Variants in ALCAM observed in about 807,000 individuals in gnomAD.
ALCAM encodes the protein activated leukocyte cell adhesion molecule.
Under a neutral mutation model 70.9 loss-of-function variants are expected in ALCAM, and 30 were observed. That is an observed-to-expected ratio of 0.42 (90% CI 0.32 to 0.57). ALCAM has a LOEUF of 0.57. Among genes scored for constraint, ALCAM ranks in the 20% least tolerant of loss-of-function variants. The pLI is 0.11. For synonymous variants in ALCAM, 249 were observed against 242.5 expected (o/e 1.03, Z -0.25); for missense variants, 591 against 695.1 (o/e 0.85, Z 1.68).
intron 8 of ALCAM, among the ~76,000 whole-genome samples, chr3:105,542,636 TA>T (rs1165659209): frequency 6.6e-6 from 1 of 151,804 alleles, no homozygotes; most frequent in Non-Finnish European, 1.5e-5. Flanking sequence ...TCCCACTGAG[TA>T]TAAAGAGACT....
intron 1 of ALCAM, among the ~76,000 whole-genome samples, chr3:105,397,961 T>A (rs1935995038): frequency 6.6e-6 from 1 of 152,120 alleles, no homozygotes; most frequent in Admixed American, 6.6e-5. Flanking sequence ...AGTTGGATGC[T>A]AGGGATGCAG....
chr3:105,386,726 A>G (rs1935667949), intron 1 of ALCAM, among the ~76,000 whole-genome samples: 1 of 151,450 alleles, frequency 6.6e-6, no homozygotes. Flanking sequence ...TTAAAATTAA[A>G]TTTGTGTGGA....
chr3:105,516,624 A>G (rs572826176), intron 1 of ALCAM, among the ~76,000 whole-genome samples: 7 of 152,120 alleles, frequency 4.6e-5, no homozygotes, highest in Admixed American at 1.3e-4. Context: ...AGTATGACAC[A>G]TTTTATATCG....
intron 1 of ALCAM, among the ~76,000 whole-genome samples, chr3:105,424,925 G>A (rs1936751946): frequency 6.6e-6 from 1 of 151,720 alleles, no homozygotes; most frequent in Admixed American, 6.6e-5. Context: ...TGGAATACAT[G>A]CTATGTGTCT....
intron 1 of ALCAM, among the ~76,000 whole-genome samples, chr3:105,514,653 A>G (rs1474649009): frequency 6.6e-6 from 1 of 151,948 alleles, no homozygotes; most frequent in Non-Finnish European, 1.5e-5. Flanking sequence ...CTATCTTAAA[A>G]CATAATCCTG....
intron 3 of ALCAM, chr3:105,531,379 G>A (rs1178014665): frequency 6.6e-6 from 1 of 152,112 alleles, no homozygotes; most frequent in African/African-American, 2.4e-5. Context: ...TGGCTTAAGA[G>A]GTAAAGTTAG....
rs376586268 is a variant in ALCAM, at chr3:105,367,177, C to G, written c.-232C>G. On this transcript the variant is annotated 5_prime_UTR_variant, in exon 1 of 16. Coordinates refer to ENST00000306107, the MANE Select transcript of ALCAM (RefSeq NM_001627.4). ...TCCCCGGAGGAGCAGCCGAAGGGCCCGTGGGCTGGTGTTGACCGGGAGGGA... is the reference window on the plus strand; with the variant it reads ...TCCCCGGAGGAGCAGCCGAAGGGCCGGTGGGCTGGTGTTGACCGGGAGGGA... 3.7e-6 allele frequency: 2 copies of G among 546,740 alleles called. No homozygotes were observed. The highest frequency in any genetic ancestry group is 3.2e-5 in the Admixed American group (1 of 31,440). The allele number at this position is 546,740 out of a possible 1,614,324, so 33.9% of individuals were successfully genotyped here.
chr3:105,429,570 CAA>C (rs1284487383), intron 1 of ALCAM, among the ~76,000 whole-genome samples: 1 of 151,882 alleles, frequency 6.6e-6, no homozygotes, highest in Non-Finnish European at 1.5e-5. Context: ...GCACTATAAA[CAA>C]AAAGAGTATT....
chr3:105,425,030 C>T (rs765063826), intron 1 of ALCAM, among the ~76,000 whole-genome samples: 3 of 151,682 alleles, frequency 2.0e-5, no homozygotes, highest in Non-Finnish European at 4.4e-5. Flanking sequence ...TTTCACTATA[C>T]TGCCTCCAAC....
intron 1 of ALCAM, among the ~76,000 whole-genome samples, chr3:105,497,260 G>A (rs1343142245): frequency 6.6e-6 from 1 of 152,170 alleles, no homozygotes; most frequent in Admixed American, 6.5e-5. Flanking sequence ...TATATAGGAT[G>A]AGGAAATAGA....
At chr3:105,493,468 G>T (rs191231569) in intron 1 of ALCAM, among the ~76,000 whole-genome samples, 2 of 152,256 alleles carry the variant, frequency 1.3e-5, no homozygotes, top group Non-Finnish European at 2.9e-5. Flanking sequence ...TTAAGGTTAA[G>T]GGCATTGAGA....
chr3:105,549,345 G>T (rs542279350), intron 11 of ALCAM, among the ~76,000 whole-genome samples: 1 of 151,480 alleles, frequency 6.6e-6, no homozygotes, highest in African/African-American at 2.4e-5. Context: ...ACCAAAACAG[G>T]AGAATAGCTC....
At position 105,454,653 on chromosome 3, in the gene ALCAM, A is replaced by ATTTTTTTTTTTTT. The variant is rs59389132; in HGVS notation, c.74-65392_74-65380dup. Among the ~76,000 whole-genome samples the ATTTTTTTTTTTTT allele has an allele frequency of 1.0e-3, 64 of 61,796 alleles. 9 individuals are homozygous for ATTTTTTTTTTTTT. The highest frequency in any genetic ancestry group is 1.3e-3 in the Non-Finnish European group (46 of 36,566). The allele number at this position is 61,796 out of a possible 152,430, so 40.5% of individuals were successfully genotyped here. ...ATTGGCACATAGTAGATGCTCATTA[A>ATTTTTTTTTTTTT]TTTTTTTTTTTTTTTTTTTTTTTTT... On this transcript the variant is annotated intron_variant, in intron 1 of 15. Coordinates refer to ENST00000306107, the MANE Select transcript of ALCAM (RefSeq NM_001627.4).
intron 1 of ALCAM, among the ~76,000 whole-genome samples, chr3:105,480,509 G>A (rs1007733703): frequency 2.6e-5 from 4 of 152,062 alleles, no homozygotes; most frequent in African/African-American, 9.7e-5. Flanking sequence ...TCTAAGAGGT[G>A]GTTTGAGAAT....
chr3:105,573,379 C>T (rs1017533934), intron 15 of ALCAM, among the ~76,000 whole-genome samples: 3 of 150,208 alleles, frequency 2.0e-5, no homozygotes, highest in Non-Finnish European at 3.0e-5. Flanking sequence ...TTAATAAAAG[C>T]GTGAGTGTAT....
At chr3:105,427,858 G>T (rs1936830313) in intron 1 of ALCAM, among the ~76,000 whole-genome samples, 1 of 151,538 alleles carries the variant, frequency 6.6e-6, no homozygotes, top group African/African-American at 2.4e-5. Context: ...TCTTACCATT[G>T]GAAAACACCT....
chr3:105,517,511 T>A (rs892075657), intron 1 of ALCAM, among the ~76,000 whole-genome samples: 1 of 152,148 alleles, frequency 6.6e-6, no homozygotes, highest in Non-Finnish European at 1.5e-5. Context: ...AATACTTGAA[T>A]AAACAACTTT....
intron 1 of ALCAM, among the ~76,000 whole-genome samples, chr3:105,474,322 G>A (rs1370537477): frequency 6.6e-6 from 1 of 151,704 alleles, no homozygotes; most frequent in Non-Finnish European, 1.5e-5. Flanking sequence ...TATGCATGAA[G>A]CAACTTTGTG....
chr3:105,479,913 G>A (rs986079807), intron 1 of ALCAM, among the ~76,000 whole-genome samples: 11 of 152,012 alleles, frequency 7.2e-5, no homozygotes, highest in African/African-American at 2.7e-4. Flanking sequence ...TTTGTGACCA[G>A]TCTACCACTC....
Sources: gnomAD v4.1 joint callset for allele counts (sites outside exome capture counted in the v4.1 genomes callset) on GRCh38, gnomAD v4.1.1 for gene constraint, MANE v1.5 for transcripts, NCBI Gene and HGNC (gene_info 2026-07-23, HGNC 2026-07-21) for gene names.